DNMT1: variants seen among roughly 807,000 people sequenced by gnomAD.
The protein encoded by DNMT1 is DNA (cytosine-5)-methyltransferase 1.
DNMT1 carries 24 observed loss-of-function variants against 205.3 expected under a neutral mutation model. The ratio of observed to expected loss-of-function variants is 0.12; its 90% confidence interval spans 0.08 to 0.16. The LOEUF (loss-of-function observed/expected upper bound fraction) is 0.16, where lower values mean the gene tolerates loss of function less well. DNMT1 is among the 10% of genes least tolerant of loss of function. The pLI, the probability that DNMT1 is intolerant of heterozygous loss-of-function variation, is 1.00. For synonymous variants in DNMT1, 817 were observed against 839.8 expected (o/e 0.97, Z 0.47); for missense variants, 1,293 against 2,177.7 (o/e 0.59, Z 8.09).
At chr19:10,170,592 C>G (rs2145352480) in intron 9 of DNMT1, among the ~76,000 whole-genome samples, 1 of 152,106 alleles carries the variant, frequency 6.6e-6, no homozygotes, top group African/African-American at 2.4e-5. Context: ...TTGCAGTGAG[C>G]CGAGATCACA....
chr19:10,149,306 C>G, intron 26 of DNMT1, 147 bp downstream of exon 26: 1 of 1,067,184 alleles, frequency 9.4e-7, no homozygotes, highest in Non-Finnish European at 1.4e-6. Flanking sequence ...GCCTGGGCAA[C>G]AAGAGCGAAA....
chr19:10,164,793 T>TA (rs1311725192), intron 11 of DNMT1, among the ~76,000 whole-genome samples: 4 of 150,600 alleles, frequency 2.7e-5, no homozygotes, highest in African/African-American at 9.8e-5. Context: ...CTAGGCATAG[T>TA]AGCACACGCC....
chr19:10,182,115 G>A (rs780593471), intron 1 of DNMT1, 38 bp from the exon 2 acceptor site: 4 of 1,593,144 alleles, frequency 2.5e-6, no homozygotes, highest in South Asian at 1.1e-5. Flanking sequence ...ACAAACACTT[G>A]TTAAGCAACT....
Position 10,151,384 on chromosome 19 carries a change from G to T in DNMT1, c.2265+14C>A. The stretch of plus-strand genomic sequence containing the variant: ...AACATGGCAGTGAGCTGACCAAGGG[G>T]CTCCAAGGGTTACCTTGACGGCTTC... On this transcript the variant is annotated intron_variant, in intron 24 of 40. Transcript: ENST00000359526. This position sits in a 1 kb window ranked among gnomAD's most constrained non-coding sequence, Gnocchi z 5.0. 1 of 1,611,704 alleles carries T rather than the reference G, an allele frequency of 6.2e-7. No homozygotes were observed.
intron 11 of DNMT1, among the ~76,000 whole-genome samples, chr19:10,164,300 C>T (rs901169870): frequency 3.3e-5 from 5 of 152,148 alleles, no homozygotes; most frequent in East Asian, 1.9e-4. Context: ...TTCGCCACCA[C>T]ACCCAGCTAA....
Position 10,194,900 on chromosome 19 carries a change from C to A in DNMT1, c.-1G>T. The A allele has an allele frequency of 1.2e-6, 2 of 1,607,994 alleles. No homozygotes were observed. The highest frequency in any genetic ancestry group is 1.7e-6 in the Non-Finnish European group (2 of 1,177,420). On this transcript the variant is annotated 5_prime_UTR_variant, in exon 1 of 41. Transcript: ENST00000359526. ...GGGCTGGGGCGGTACGCGCCGGCAT[C>A]TCGGAGGCTTCAGCAGACGCGGCGG...
intron 13 of DNMT1, among the ~76,000 whole-genome samples, chr19:10,161,316 CATAAGTAAATAA>C (rs1344094578): frequency 7.4e-6 from 1 of 135,854 alleles, no homozygotes; most frequent in Non-Finnish European, 1.6e-5. Flanking sequence ...AAAACAAATA[CATAAGTAAATAA>C]ATAAATAAAT....
chr19:10,180,286 T>C, intron 4 of DNMT1, 52 bp from the exon 5 acceptor site: 1 of 1,586,854 alleles, frequency 6.3e-7, no homozygotes, highest in Non-Finnish European at 8.6e-7. Flanking sequence ...TGCTCCAGAC[T>C]GGGCAACACA....
At chr19:10,157,082 C>T (rs1291304395) in intron 17 of DNMT1, among the ~76,000 whole-genome samples, 1 of 152,172 alleles carries the variant, frequency 6.6e-6, no homozygotes, top group African/African-American at 2.4e-5. Context: ...GTTTCTAGAA[C>T]ACCTTCTACT....
At chr19:10,175,130 T>C (rs10420338) in intron 7 of DNMT1, among the ~76,000 whole-genome samples, 9,199 of 78,686 alleles carry the variant, frequency 0.12, 361 homozygotes, top group East Asian at 0.21. Context: ...CACACACACA[T>C]ATATATAACA....
Position 10,161,706 on chromosome 19 carries a change from C to T in DNMT1, c.1008+961G>A, listed in dbSNP as rs2038574068. Among the ~76,000 whole-genome samples the T allele has an allele frequency of 2.6e-5, 4 of 152,170 alleles. No homozygotes were observed. In the South Asian group the frequency reaches 6.2e-4, roughly 24 times the overall value. ...TGATGAGGGGGTATACAGACCGAGT[C>T]ATGTCCCCTGCAAAATTCATATGTT... is the stretch of plus-strand genomic sequence containing the variant. On this transcript the variant is annotated intron_variant, in intron 13 of 40. Transcript: ENST00000359526.
At position 10,151,119 on chromosome 19, in the gene DNMT1, G is replaced by T. The variant is rs2038333978; in HGVS notation, c.2265+279C>A. The stretch of plus-strand genomic sequence containing the variant: ...TAAACAAAACAAAACAGAAAAACAA[G>T]CTATGAGGGCTCACCTGCCTGATGC... On this transcript the variant is annotated intron_variant, in intron 24 of 40. Transcript: ENST00000359526. The surrounding 1 kb of genome is among the most constrained non-coding windows in gnomAD (Gnocchi z 5.0). 6.6e-6 allele frequency among the ~76,000 whole-genome samples: 1 copy of T among 152,108 alleles called. No homozygotes were observed. The highest frequency in any genetic ancestry group is 1.9e-4 in the East Asian group (1 of 5,196).
intron 11 of DNMT1, among the ~76,000 whole-genome samples, chr19:10,165,950 C>T (rs911788719): frequency 1.3e-5 from 2 of 152,098 alleles, no homozygotes; most frequent in Non-Finnish European, 2.9e-5. Flanking sequence ...CCAGCAAGCC[C>T]GTGACCTTGG....
chr19:10,162,649 G>T lies in DNMT1; in HGVS notation c.1008+18C>A. 1.7e-3 allele frequency: 2,249 copies of T among 1,311,112 alleles called. No individual in the cohort carries two copies. Among genetic ancestry groups the T allele is most frequent in the Non-Finnish European group, 2.2e-3 (2,057 of 936,862 alleles). The allele number at this position is 1,311,112 out of a possible 1,614,324, so 81.2% of individuals were successfully genotyped here. A position where few individuals can be genotyped will look rare whatever the true frequency, so the allele number is the denominator to read the frequency against. On this transcript the variant is annotated intron_variant, in intron 13 of 40. Transcript: ENST00000359526. ...AAAAAAAAAAAAAAAAAGAAAGAAA[G>T]AAAAGTGAGACCTTTACCTTTTCAT...
chr19:10,193,045 T>TCAAA (rs1379934454), intron 1 of DNMT1, among the ~76,000 whole-genome samples: 2 of 152,034 alleles, frequency 1.3e-5, no homozygotes. Flanking sequence ...AGACTCCATC[T>TCAAA]CAAACAAACA....
rs771879227 is a variant in DNMT1, at chr19:10,148,920, G to A, written c.2684C>T (p.Pro895Leu). 3 of 1,614,210 alleles carry A rather than the reference G, an allele frequency of 1.9e-6. No individual in the cohort carries two copies. The highest frequency in any genetic ancestry group is 2.5e-6 in the Non-Finnish European group (3 of 1,180,040). ...YDQDYARFES[P>L]PKTQPTEDNK... ...GTCCTCTGTTGGCTGGGTTTTTGGA[G>A]GGGACTCGAATCTCGCGTAGTCTTG... The change falls in exon 27 of 41, where the codon CCT becomes CTT. Residue 895 changes from proline to leucine, a missense_variant. Physicochemically the swap from Pro to Leu is moderately conservative, Grantham distance 98 (BLOSUM62 -3). Around this residue, in one of 13 missense-constraint regions of DNMT1, gnomAD observed 112 missense variants for 116.6 expected, o/e 0.96. Coordinates refer to ENST00000359526, the MANE Select transcript of DNMT1 (RefSeq NM_001130823.3).
Position 10,140,657 on chromosome 19 carries a change from C to T in DNMT1, c.3523+124G>A, listed in dbSNP as rs970331098. 27 of 1,558,982 alleles carry T rather than the reference C, an allele frequency of 1.7e-5. No homozygotes were observed. Among genetic ancestry groups the T allele is most frequent in the East Asian group, 6.7e-5 (3 of 44,506 alleles). ...TGCTGGGATTACAGGCGTGCGCCAC[C>T]GTGCCTGGCCTCGGAAGGAGATTCT... On this transcript the variant is annotated intron_variant, in intron 32 of 40. Coordinates refer to ENST00000359526, the MANE Select transcript of DNMT1 (RefSeq NM_001130823.3). The surrounding 1 kb of genome is among the most constrained non-coding windows in gnomAD (Gnocchi z 8.4).
At chr19:10,184,655 AAAAT>A (rs978129660) in intron 1 of DNMT1, 1 of 152,150 alleles carries the variant, frequency 6.6e-6, no homozygotes, top group African/African-American at 2.4e-5. Flanking sequence ...TCTTCAGAAA[AAAAT>A]AAAGGAACAA....
Position 10,162,758 on chromosome 19 carries a change from G to A in DNMT1, c.927-10C>T, listed in dbSNP as rs768381782. The A allele has an allele frequency of 6.2e-7, 1 of 1,613,904 alleles. No individual in the cohort carries two copies. ...CCTCCGTTTGGCAGCTCTGCAGGGTGAACAGATACACAGCAAGTAGCAGCT... is the reference window on the plus strand; with the variant it reads ...CCTCCGTTTGGCAGCTCTGCAGGGTAAACAGATACACAGCAAGTAGCAGCT... On this transcript the variant is annotated splice_polypyrimidine_tract_variant and intron_variant, in intron 12 of 40. Coordinates refer to ENST00000359526, the MANE Select transcript of DNMT1 (RefSeq NM_001130823.3).
Sources: allele counts gnomAD v4.1 joint callset (sites outside exome capture counted in the v4.1 genomes callset), GRCh38; gene constraint gnomAD v4.1.1; regional missense constraint gnomAD v4.1.1; non-coding constraint Gnocchi (gnomAD v3.1); transcripts MANE v1.5; gene names NCBI Gene and HGNC (gene_info 2026-07-23, HGNC 2026-07-21).